Variants in SOX5 observed in about 807,000 individuals in gnomAD.
SOX5 encodes the protein SRY-box transcription factor 5, also known as transcription factor SOX-5.
Under a neutral mutation model 92.0 loss-of-function variants are expected in SOX5, and 9 were observed. The ratio of observed to expected loss-of-function variants is 0.10; its 90% CI spans 0.06 to 0.17. The LOEUF is 0.17. Ranked by LOEUF, SOX5 falls within the 10% of genes least tolerant of loss-of-function variation. The probability of loss-of-function intolerance (pLI) is 1.00; values close to 1 mark genes in which losing one functional copy is unlikely to be tolerated. For synonymous variants in SOX5, 344 were observed against 336.3 expected, an observed-to-expected ratio of 1.02 and a Z score of -0.25; for missense variants, 642 against 944.5, an observed-to-expected ratio of 0.68 and a Z score of 4.20.
intron 1 of SOX5, among the ~76,000 whole-genome samples, chr12:23,902,400 A>G (rs2097244533): frequency 6.6e-6 from 1 of 152,118 alleles, no homozygotes; most frequent in Non-Finnish European, 1.5e-5. Flanking sequence ...CGGCATGATA[A>G]TATTATTTAT....
At chr12:24,551,303 GTAAAA>G (rs1178143254) in intron 1 of SOX5, among the ~76,000 whole-genome samples, 3 of 151,660 alleles carry the variant, frequency 2.0e-5, no homozygotes, top group African/African-American at 7.3e-5. Flanking sequence ...TTTCATAACA[GTAAAA>G]TGAAAGTGGA....
chr12:24,261,308 G>A (rs1359699953), intron 3 of SOX5, among the ~76,000 whole-genome samples: 1 of 152,134 alleles, frequency 6.6e-6, no homozygotes, highest in Non-Finnish European at 1.5e-5. Flanking sequence ...ATCCTGAACA[G>A]TTTTGGGGTA....
rs923695200 is a variant in SOX5 at position 24,533,324 on chromosome 12, A to T, written c.-251+29005T>A. ...ATTCTCTATCTTGGATATGGAAGAT[A>T]ATTTGATGTTAAGTTCTCACATACA... On this transcript the variant is annotated intron_variant, in intron 1 of 4. Transcript: ENST00000446891. 5.9e-5 allele frequency among the ~76,000 whole-genome samples: 9 copies of T among 152,322 alleles called. No individual in the cohort carries two copies. In the East Asian group the frequency reaches 1.7e-3, roughly 29 times the overall value.
At chr12:23,574,734 C>CA (rs1253092756) in intron 10 of SOX5, among the ~76,000 whole-genome samples, 1 of 152,138 alleles carries the variant, frequency 6.6e-6, no homozygotes, top group Non-Finnish European at 1.5e-5. Context: ...GTGCATTTCT[C>CA]AAAAATATGC....
intron 4 of SOX5, among the ~76,000 whole-genome samples, chr12:24,126,230 T>C (rs1475261751): frequency 6.6e-6 from 1 of 152,170 alleles, no homozygotes; most frequent in Non-Finnish European, 1.5e-5. Flanking sequence ...GCCAATGCCT[T>C]CCAAATCTAT....
chr12:24,305,733 G>T (rs532628267), intron 2 of SOX5, among the ~76,000 whole-genome samples: 14 of 152,252 alleles, frequency 9.2e-5, no homozygotes, highest in African/African-American at 3.1e-4. Flanking sequence ...GAGTAGCTAG[G>T]ATTACAGGCA....
intron 4 of SOX5, among the ~76,000 whole-genome samples, chr12:24,124,425 T>G (rs1260535544): frequency 6.6e-6 from 1 of 152,146 alleles, no homozygotes; most frequent in African/African-American, 2.4e-5. Context: ...GGGTGAAAAG[T>G]CAAATGCTTG....
chr12:23,687,908 G>C (rs2087925077), intron 6 of SOX5, among the ~76,000 whole-genome samples: 1 of 148,632 alleles, frequency 6.7e-6, no homozygotes, highest in South Asian at 2.1e-4. Flanking sequence ...AAAAGGTTTT[G>C]TTTGGTGTTT....
chr12:23,689,950 T>C (rs1055340567), intron 6 of SOX5, among the ~76,000 whole-genome samples: 2 of 152,324 alleles, frequency 1.3e-5, no homozygotes, highest in South Asian at 2.1e-4. Flanking sequence ...AATTTCTTGT[T>C]GATATTGTTT....
intron 6 of SOX5, among the ~76,000 whole-genome samples, chr12:23,698,171 T>C (rs2090145444): frequency 6.6e-6 from 1 of 152,170 alleles, no homozygotes; most frequent in Non-Finnish European, 1.5e-5. Context: ...AGATGGTTTT[T>C]TTAATCTCTG....
intron 6 of SOX5, among the ~76,000 whole-genome samples, chr12:23,690,253 T>G (rs1055264730): frequency 6.6e-6 from 1 of 152,188 alleles, no homozygotes; most frequent in Non-Finnish European, 1.5e-5. Flanking sequence ...AGACATGTCA[T>G]ATCACAGAAT....
At chr12:24,467,254 C>A (rs573077389) in intron 1 of SOX5, among the ~76,000 whole-genome samples, 1 of 152,322 alleles carries the variant, frequency 6.6e-6, no homozygotes, top group South Asian at 2.1e-4. Flanking sequence ...CTGTGTCAAT[C>A]CCTGTGAGAG....
At chr12:24,144,118 A>G (rs541301720) in intron 4 of SOX5, among the ~76,000 whole-genome samples, 1 of 152,314 alleles carries the variant, frequency 6.6e-6, no homozygotes, top group East Asian at 1.9e-4. Flanking sequence ...AGAGACAAAC[A>G]GAGCATGACA....
At chr12:23,598,350 C>T (rs1036857490) in intron 9 of SOX5, among the ~76,000 whole-genome samples, 3 of 144,694 alleles carry the variant, frequency 2.1e-5, no homozygotes, top group Admixed American at 2.1e-4. Context: ...TAGTCCATTT[C>T]AAACTCATGA....
chr12:24,147,300 C>T (rs1035120390), intron 4 of SOX5, among the ~76,000 whole-genome samples: 23 of 152,152 alleles, frequency 1.5e-4, no homozygotes, highest in Admixed American at 7.2e-4. Flanking sequence ...AAAATTGGCT[C>T]ATGTAATTAT....
rs140236618 is a variant in SOX5, at chr12:24,447,641, CAAT to C, written c.-250-79005_-250-79003del. The stretch of plus-strand genomic sequence containing the variant: ...CTATAACAACATAATATGTTAACAA[CAAT>C]GATAGCTGGATACAGGGTAAATAGT... On this transcript the variant is annotated intron_variant, in intron 1 of 4. Transcript: ENST00000446891. Among the ~76,000 whole-genome samples the C allele has an allele frequency of 5.7e-3, 872 of 152,274 alleles. 6 individuals are homozygous for C. Among genetic ancestry groups the C allele is most frequent in the African/African-American group, 0.02 (837 of 41,560 alleles).
intron 1 of SOX5, among the ~76,000 whole-genome samples, chr12:23,915,630 A>T (rs1288239347): frequency 2.6e-5 from 4 of 151,968 alleles, no homozygotes; most frequent in Non-Finnish European, 5.9e-5. Context: ...CCAACATACC[A>T]AAACCCCATC....
At chr12:23,814,345 G>T (rs1435546340) in intron 3 of SOX5, among the ~76,000 whole-genome samples, 1 of 152,084 alleles carries the variant, frequency 6.6e-6, no homozygotes, top group African/African-American at 2.4e-5. Context: ...GTGGCCTATA[G>T]GAAACTATAC....
intron 3 of SOX5, among the ~76,000 whole-genome samples, chr12:24,262,891 G>A (rs1161907476): frequency 6.6e-6 from 1 of 152,148 alleles, no homozygotes; most frequent in Non-Finnish European, 1.5e-5. Context: ...TAGACTGGGA[G>A]TGCAACATAC....
Sources: allele counts gnomAD v4.1 joint callset (sites outside exome capture counted in the v4.1 genomes callset), GRCh38; gene constraint gnomAD v4.1.1; transcripts MANE v1.5; gene names NCBI Gene and HGNC (gene_info 2026-07-23, HGNC 2026-07-21).